Variants in MGAT1 observed in about 807,000 individuals in gnomAD.
The protein encoded by MGAT1 is N-glycosyl-oligosaccharide-glycoprotein N-acetylglucosaminyltransferase I.
In MGAT1, 14 loss-of-function variants were observed where a neutral mutation model predicts 31.7. The observed-to-expected ratio is 0.44, with a 90% CI of 0.29 to 0.69. The LOEUF (loss-of-function observed/expected upper bound fraction) is 0.69, where lower values mean the gene tolerates loss of function less well. Among genes scored for constraint, MGAT1 ranks in the 30% least tolerant of loss-of-function variants. The probability of loss-of-function intolerance (pLI) is 0.12; values close to 1 mark genes in which losing one functional copy is unlikely to be tolerated. For synonymous variants in MGAT1, 338 were observed against 276.0 expected (o/e 1.22, Z -2.23); for missense variants, 557 against 626.0 (o/e 0.89, Z 1.18).
upstream of MGAT1, among the ~76,000 whole-genome samples, chr5:180,805,343 T>C (rs558986426): frequency 6.6e-6 from 1 of 152,244 alleles, no homozygotes; most frequent in South Asian, 2.1e-4. Context: ...AAGTGAAAAC[T>C]GTTCCAGGAA....
chr5:180,812,058 T>C (rs956377072), intron 1 of MGAT1, among the ~76,000 whole-genome samples: 1 of 152,184 alleles, frequency 6.6e-6, no homozygotes, highest in African/African-American at 2.4e-5. Flanking sequence ...CGCTCACCAC[T>C]TCCTGAAATA....
chr5:180,796,930 C>T (rs1002568263), intron 1 of MGAT1, among the ~76,000 whole-genome samples: 5 of 152,122 alleles, frequency 3.3e-5, no homozygotes, highest in African/African-American at 9.7e-5. Context: ...GTTTCTTCTT[C>T]GCTCTCCCCT....
At chr5:180,799,835 G>A (rs909771935) in intron 1 of MGAT1, among the ~76,000 whole-genome samples, 1 of 152,136 alleles carries the variant, frequency 6.6e-6, no homozygotes, top group African/African-American at 2.4e-5. Context: ...ACTCATAAAA[G>A]GCAGTAGTTT....
chr5:180,812,328 T>TATG (rs1772627975), intron 1 of MGAT1, among the ~76,000 whole-genome samples: 1 of 152,250 alleles, frequency 6.6e-6, no homozygotes, highest in Non-Finnish European at 1.5e-5. Flanking sequence ...TATACAGATT[T>TATG]TGCATTATGA....
Position 180,788,914 on chromosome 5 carries a change from T to G in MGAT1, c.*2720A>C, listed in dbSNP as rs1019115908. 5.9e-5 allele frequency: 9 copies of G among 152,418 alleles called. No homozygotes were observed. The East Asian group carries it at 1.5e-3, about 26-fold the overall frequency. 9.4% of individuals were successfully genotyped at this position (152,418 alleles called of 1,614,324 possible). Reference sequence around the variant, plus strand: ...ACTCAGAACAATGCACTTGGCTAGCTGCATGACATGCTATGCGCATGGAGC... The same window carrying G: ...ACTCAGAACAATGCACTTGGCTAGCGGCATGACATGCTATGCGCATGGAGC... On this transcript the variant is annotated 3_prime_UTR_variant, in exon 2 of 2. Coordinates refer to ENST00000307826, the MANE Select transcript of MGAT1 (RefSeq NM_002406.4).
At chr5:180,805,533 C>T (rs544633058), upstream of MGAT1, among the ~76,000 whole-genome samples, 13 of 152,270 alleles carry the variant, frequency 8.5e-5, no homozygotes, top group South Asian at 4.1e-4. Context: ...AGGCGGATCA[C>T]GAGGTCAGGA....
chr5:180,813,846 T>C (rs551729249), intron 1 of MGAT1, among the ~76,000 whole-genome samples: 5 of 152,260 alleles, frequency 3.3e-5, no homozygotes, highest in Middle Eastern at 3.4e-3. Flanking sequence ...GTGAACCTAA[T>C]TGCAAGGGAG....
At position 180,792,584 on chromosome 5, in the gene MGAT1, GCCGA is replaced by G; in HGVS notation, c.384_387del (p.Arg129ProfsTer38). ...ATGATGGGGAAGAGCTCAGCCGAGG[GCCGA>G]TAATGCAGCAGCTTGTCCAGGCAGC... is the stretch of plus-strand genomic sequence containing the variant. On this transcript the variant is annotated frameshift_variant, in exon 2 of 2. Transcript: ENST00000307826. LOFTEE classifies it high-confidence loss of function. 1 of 1,611,878 alleles carries G rather than the reference GCCGA, an allele frequency of 6.2e-7. No homozygotes were observed. Among genetic ancestry groups the G allele is most frequent in the Non-Finnish European group, 8.5e-7 (1 of 1,179,284 alleles).
upstream of MGAT1, among the ~76,000 whole-genome samples, chr5:180,807,076 G>A (rs182253529): frequency 2.2e-4 from 34 of 152,178 alleles, no homozygotes; most frequent in African/African-American, 7.5e-4. Context: ...GAGGGAGTGA[G>A]GAAAACTCCT....
rs1768462241 is a variant in MGAT1, at chr5:180,792,720, C to A, written c.252G>T (p.Gly84=). The A allele has an allele frequency of 1.3e-6, 2 of 1,547,424 alleles. No homozygotes were observed. The highest frequency in any genetic ancestry group is 3.9e-5 in the Admixed American group (2 of 51,014). ...QIGDALSSQR[G]RVPTAAPPAQ... is the part of the protein sequence containing the mutation. ...CGGGAGGGGCCGCGGTGGGCACCCTCCCCCGCTGGCTCGACAGGGCATCCC... is the reference window on the plus strand; with the variant it reads ...CGGGAGGGGCCGCGGTGGGCACCCTACCCCGCTGGCTCGACAGGGCATCCC... The change falls in exon 2 of 2, where the codon GGG becomes GGT. Residue 84 remains glycine, a synonymous_variant. Transcript: ENST00000307826.
Position 180,792,153 on chromosome 5 carries a change from G to T in MGAT1, c.819C>A (p.Ala273=). 6.2e-7 allele frequency: 1 copy of T among 1,613,100 alleles called. No individual in the cohort carries two copies. The highest frequency in any genetic ancestry group is 2.2e-5 in the East Asian group (1 of 44,880). ...TGGGCTCCAGCTCAGCCCAGAGCTCGGCCAACAGCAGCCAGCCCAGGCCAG... is the reference window on the plus strand; with the variant it reads ...TGGGCTCCAGCTCAGCCCAGAGCTCTGCCAACAGCAGCCAGCCCAGGCCAG... The part of the protein sequence containing the change: ...FFPGLGWLLL[A]ELWAELEPKW... The change falls in exon 2 of 2, where the codon GCC becomes GCA. Residue 273 remains alanine, a synonymous_variant. Coordinates refer to ENST00000307826, the MANE Select transcript of MGAT1 (RefSeq NM_002406.4).
At position 180,785,967 on chromosome 5, in the gene MGAT1, C is replaced by T. The variant is rs1414405295; in HGVS notation, c.*5667G>A. The T allele has an allele frequency of 6.6e-6, 1 of 152,316 alleles. No individual in the cohort carries two copies. Among genetic ancestry groups the T allele is most frequent in the Admixed American group, 6.5e-5 (1 of 15,286 alleles). The allele number at this position is 152,316 out of a possible 1,614,324, so 9.4% of individuals were successfully genotyped here. ...TCCTGCAGGGAAGGCAGCCAGACCA[C>T]ATTCCAGTGAGTGGAACGTGAGGGA... On this transcript the variant is annotated 3_prime_UTR_variant, in exon 2 of 2. Coordinates refer to ENST00000307826, the MANE Select transcript of MGAT1 (RefSeq NM_002406.4).
At chr5:180,799,557 G>A (rs1770261724) in intron 1 of MGAT1, among the ~76,000 whole-genome samples, 1 of 152,200 alleles carries the variant, frequency 6.6e-6, no homozygotes, top group African/African-American at 2.4e-5. Context: ...AAGACTCTAT[G>A]ACCTCTGTGC....
exon 2 of MGAT1, chr5:180,809,056 G>C (rs1213600663): frequency 3.3e-5 from 5 of 152,160 alleles, no homozygotes; most frequent in Admixed American, 3.3e-4. Context: ...CATGGCCCAG[G>C]AGGCAGATTT....
At chr5:180,810,945 G>C (rs1269450736) in intron 1 of MGAT1, 1 of 152,256 alleles carries the variant, frequency 6.6e-6, no homozygotes, top group Non-Finnish European at 1.5e-5. Flanking sequence ...AGGCTGCCGG[G>C]AGGAGGGCTG....
At chr5:180,802,901 C>T (rs1393242909), upstream of MGAT1, 1 of 149,872 alleles carries the variant, frequency 6.7e-6, no homozygotes, top group Non-Finnish European at 1.5e-5. Context: ...CCGACAGCCC[C>T]GCCGCGCCCC....
intron 1 of MGAT1, chr5:180,810,223 G>A (rs1015319178): frequency 6.9e-6 from 1 of 144,962 alleles, no homozygotes; most frequent in Non-Finnish European, 1.5e-5. Context: ...CCCGTCCTCC[G>A]GAAGTGGGCC....
intron 1 of MGAT1, among the ~76,000 whole-genome samples, 151 bp from the exon 2 acceptor site, chr5:180,793,248 T>C (rs1280284475): frequency 6.6e-6 from 1 of 152,156 alleles, no homozygotes; most frequent in African/African-American, 2.4e-5. Flanking sequence ...AGTCAACATA[T>C]ATCCTGACCC....
chr5:180,812,555 CGCACACACACACAG>C (rs1308931193), intron 1 of MGAT1, among the ~76,000 whole-genome samples: 2 of 152,034 alleles, frequency 1.3e-5, no homozygotes, highest in African/African-American at 2.4e-5. Flanking sequence ...TTTATACACA[CGCACACACACACAG>C]GCACACACAC....
Sources: gnomAD v4.1 joint callset for allele counts (sites outside exome capture counted in the v4.1 genomes callset) on GRCh38, gnomAD v4.1.1 for gene constraint, MANE v1.5 for transcripts, NCBI Gene and HGNC (gene_info 2026-07-23, HGNC 2026-07-21) for gene names.